RYR1: variants seen among roughly 807,000 people sequenced by gnomAD.
RYR1 encodes the protein central core disease of muscle.
Under a neutral mutation model 583.5 loss-of-function variants are expected in RYR1, and 342 were observed. That is an observed-to-expected ratio of 0.59 (90% CI 0.54 to 0.64). The LOEUF is 0.64. Among genes scored for constraint, RYR1 ranks in the 30% least tolerant of loss-of-function variants. The pLI, the probability that RYR1 is intolerant of heterozygous loss-of-function variation, is 0.00. For missense variants in RYR1, 6,032 were observed against 6,917.2 expected (o/e 0.87, Z 4.54); for synonymous variants, 2,791 against 2,822.5 (o/e 0.99, Z 0.35).
intron 63 of RYR1, among the ~76,000 whole-genome samples, chr19:38,514,373 C>T (rs554173572): frequency 5.9e-5 from 9 of 151,702 alleles, no homozygotes; most frequent in African/African-American, 1.5e-4. Context: ...CTCTGCCTCC[C>T]GGGTTCAAGT....
intron 31 of RYR1, among the ~76,000 whole-genome samples, chr19:38,482,474 A>G (rs990782889): frequency 2.6e-5 from 4 of 152,014 alleles, no homozygotes; most frequent in Non-Finnish European, 4.4e-5. Flanking sequence ...GTTTTGAGAT[A>G]GGGTCTTGTT....
chr19:38,548,847 G>T (rs996128265), intron 89 of RYR1, among the ~76,000 whole-genome samples: 2 of 152,204 alleles, frequency 1.3e-5, no homozygotes, highest in Non-Finnish European at 2.9e-5. Context: ...CTCCCAAAGT[G>T]CTGGGATTAT....
rs929824581 is a variant in RYR1, at chr19:38,459,248, G to A, written c.2270G>A (p.Arg757His). Reference sequence around the variant, plus strand: ...CTCAGCGTGCCGTCCATCTCCTTCCGCATCAACGGCTGCCCCGTGCAGGGT... The same window carrying A: ...CTCAGCGTGCCGTCCATCTCCTTCCACATCAACGGCTGCCCCGTGCAGGGT... ...LDLSVPSISF[R>H]INGCPVQGVF... Residue 757 changes from arginine (R) to histidine (H), a missense_variant, in exon 19 of 106, where the codon CGC (arginine) becomes CAC (histidine). Transcript: ENST00000359596. 9 of 1,613,938 alleles carry A rather than the reference G, an allele frequency of 5.6e-6. No homozygotes were observed. The highest frequency in any genetic ancestry group is 4.5e-5 in the East Asian group (2 of 44,880).
intron 66 of RYR1, among the ~76,000 whole-genome samples, chr19:38,517,953 A>G (rs1478171419): frequency 6.6e-6 from 1 of 152,146 alleles, no homozygotes; most frequent in Non-Finnish European, 1.5e-5. Flanking sequence ...AAAAAACAAA[A>G]CAAAACTTTT....
At chr19:38,481,854 G>A (rs796109177) in intron 31 of RYR1, among the ~76,000 whole-genome samples, 10 of 152,236 alleles carry the variant, frequency 6.6e-5, no homozygotes, top group African/African-American at 2.2e-4. Context: ...TTGGGAGGCC[G>A]AGTTGGGCAG....
At chr19:38,506,753 GCACTGCAGGA>G (rs1970471628) in intron 56 of RYR1, 66 bp from the exon 57 acceptor site, 1 of 1,601,514 alleles carries the variant, frequency 6.2e-7, no homozygotes, top group Non-Finnish European at 8.5e-7. Context: ...CGCATGCCGG[GCACTGCAGGA>G]ACCACTTCAG....
chr19:38,512,565 G>C lies in RYR1; in HGVS notation c.9472+82G>C, dbSNP rs1970780377. On this transcript the variant is annotated intron_variant, in intron 63 of 105. Coordinates refer to ENST00000359596, the MANE Select transcript of RYR1 (RefSeq NM_000540.3). This position sits in a 1 kb window ranked among gnomAD's most constrained non-coding sequence, Gnocchi z 5.1. ...CATCCGGGTGCCTGTGAGAGTCCCT[G>C]GGTGTTTGAATGTGTGGATTTCTTG... is the stretch of plus-strand genomic sequence containing the variant. 1 of 1,325,734 alleles carries C rather than the reference G, an allele frequency of 7.5e-7. No homozygotes were observed. Among genetic ancestry groups the C allele is most frequent in the East Asian group, 2.3e-5 (1 of 43,550 alleles). The allele number at this position is 1,325,734 out of a possible 1,614,324, so 82.1% of individuals were successfully genotyped here. A position where few individuals can be genotyped will look rare whatever the true frequency, so the allele number is the denominator to read the frequency against.
At position 38,489,224 on chromosome 19, in the gene RYR1, GA is replaced by G; in HGVS notation, c.5596del (p.Ile1866LeufsTer64). On this transcript the variant is annotated frameshift_variant, in exon 35 of 106. Coordinates refer to ENST00000359596, the MANE Select transcript of RYR1 (RefSeq NM_000540.3). LOFTEE classifies it high-confidence loss of function. ...AGGATGTGAAACAGATCTTGAAGAT[GA>G]TTGAGCCTGAGGTCTTCACTGAGGA... ...DEDVKQILKM[I>X]EPEVFTEEEE... 1 of 1,614,038 alleles carries G rather than the reference GA, an allele frequency of 6.2e-7. No homozygotes were observed. The highest frequency in any genetic ancestry group is 8.5e-7 in the Non-Finnish European group (1 of 1,179,970).
intron 76 of RYR1, 150 bp downstream of exon 76, chr19:38,529,207 C>G (rs2145725722): frequency 1.3e-6 from 1 of 777,270 alleles, no homozygotes; most frequent in African/African-American, 1.7e-5. Context: ...GCTGGTCAGG[C>G]ACGGTGGCTC....
rs1185761782 is a variant in RYR1 at position 38,466,406 on chromosome 19, C to T, written c.3178+8C>T. ...CTCCTGACCAGGAGCCCAGTGAGTG[C>T]TCACCCCTGGCCCTGGCCCTGACTC... On this transcript the variant is annotated splice_region_variant and intron_variant, in intron 24 of 105. Transcript: ENST00000359596. The T allele has an allele frequency of 3.2e-6, 5 of 1,543,146 alleles. No individual in the cohort carries two copies. Among genetic ancestry groups the T allele is most frequent in the Non-Finnish European group, 8.7e-7 (1 of 1,147,006 alleles).
chr19:38,444,008 C>T lies in RYR1; in HGVS notation c.425-141C>T. 1.2e-6 allele frequency: 1 copy of T among 836,360 alleles called. No individual in the cohort carries two copies. Among genetic ancestry groups the T allele is most frequent in the Non-Finnish European group, 2.0e-6 (1 of 496,486 alleles). 51.8% of individuals were successfully genotyped at this position (836,360 alleles called of 1,614,324 possible). ...AGAGTCTGAAGTCAGGAACGGGGAACTGTTAGGCAGAGAGTTGGTGGCAGT... is the reference window on the plus strand; with the variant it reads ...AGAGTCTGAAGTCAGGAACGGGGAATTGTTAGGCAGAGAGTTGGTGGCAGT... On this transcript the variant is annotated intron_variant, in intron 5 of 105. Transcript: ENST00000359596. The surrounding 1 kb of genome is among the most constrained non-coding windows in gnomAD (Gnocchi z 5.1).
intron 49 of RYR1, 129 bp from the exon 50 acceptor site, chr19:38,504,091 C>G (rs1970326946): frequency 4.0e-6 from 4 of 1,009,792 alleles, no homozygotes; most frequent in Non-Finnish European, 6.0e-6. Context: ...ATTAGCATAT[C>G]ATTTGCATAA....
chr19:38,538,250 A>G (rs1972060064), intron 84 of RYR1, among the ~76,000 whole-genome samples: 1 of 152,120 alleles, frequency 6.6e-6, no homozygotes, highest in African/African-American at 2.4e-5. Context: ...ATATAAAAAA[A>G]ATAGCAGGGC....
At chr19:38,585,618 C>G (rs1177370257) in intron 102 of RYR1, among the ~76,000 whole-genome samples, 1 of 151,596 alleles carries the variant, frequency 6.6e-6, no homozygotes, top group Non-Finnish European at 1.5e-5. Context: ...GGACTACAGG[C>G]ACATGCTACC....
Position 38,444,502 on chromosome 19 carries a change from C to T in RYR1, c.538-82C>T. On this transcript the variant is annotated intron_variant, in intron 6 of 105. Transcript: ENST00000359596. This position sits in a 1 kb window ranked among gnomAD's most constrained non-coding sequence, Gnocchi z 5.1. ...CCATCTGCCGGTTTCCGGGTATCCACCCTTGATTTCTGGCCTCTGACGCTG... is the reference window on the plus strand; with the variant it reads ...CCATCTGCCGGTTTCCGGGTATCCATCCTTGATTTCTGGCCTCTGACGCTG... 1 of 1,228,638 alleles carries T rather than the reference C, an allele frequency of 8.1e-7. No individual in the cohort carries two copies. Among genetic ancestry groups the T allele is most frequent in the South Asian group, 1.3e-5 (1 of 78,908 alleles). 76.1% of individuals were successfully genotyped at this position (1,228,638 alleles called of 1,614,324 possible).
At position 38,502,634 on chromosome 19, in the gene RYR1, C is replaced by CTA; in HGVS notation, c.7744_7745dup (p.Met2582IlefsTer165). ...GAACACCGCGCCATCATGGTGGACT[C>CTA]TATGCTGCATACCGTGTACCGCCTG... is the stretch of plus-strand genomic sequence containing the variant. On this transcript the variant is annotated frameshift_variant, in exon 48 of 106. Coordinates refer to ENST00000359596, the MANE Select transcript of RYR1 (RefSeq NM_000540.3). LOFTEE classifies it high-confidence loss of function. 1 of 1,613,110 alleles carries CTA rather than the reference C, an allele frequency of 6.2e-7. No individual in the cohort carries two copies. The highest frequency in any genetic ancestry group is 8.5e-7 in the Non-Finnish European group (1 of 1,179,922).
intron 70 of RYR1, among the ~76,000 whole-genome samples, chr19:38,524,661 C>T (rs1369434962): frequency 2.0e-5 from 3 of 152,244 alleles, no homozygotes; most frequent in African/African-American, 7.2e-5. Flanking sequence ...TGCCCTGTGT[C>T]TCTGCTTCCA....
At chr19:38,514,041 G>A (rs770575174) in intron 63 of RYR1, among the ~76,000 whole-genome samples, 11 of 152,036 alleles carry the variant, frequency 7.2e-5, no homozygotes, top group Admixed American at 6.6e-4. Context: ...TTTGGTGGTT[G>A]TGTCTCTGTA....
intron 82 of RYR1, 89 bp from the exon 83 acceptor site, chr19:38,536,661 G>A (rs1971982384): frequency 6.8e-7 from 1 of 1,459,938 alleles, no homozygotes; most frequent in African/African-American, 1.4e-5. Flanking sequence ...CTCTGTCCCT[G>A]ACTGTCATTG....
Sources: allele counts gnomAD v4.1 joint callset (sites outside exome capture counted in the v4.1 genomes callset), GRCh38; gene constraint gnomAD v4.1.1; non-coding constraint Gnocchi (gnomAD v3.1); transcripts MANE v1.5; gene names NCBI Gene and HGNC (gene_info 2026-07-23, HGNC 2026-07-21).